The following SGMS1 variants were observed in gnomAD, a reference collection of about 807,000 sequenced individuals.
SGMS1 encodes the protein sphingomyelin synthase 1, also known as phosphatidylcholine:ceramide cholinephosphotransferase 1.
A neutral mutation model predicts 46.2 loss-of-function variants in SGMS1; 13 were observed. That is an observed-to-expected ratio of 0.28 (90% CI 0.18 to 0.45). The LOEUF (loss-of-function observed/expected upper bound fraction) is 0.45, where lower values mean the gene tolerates loss of function less well. SGMS1 is among the 20% of genes least tolerant of loss of function. The pLI is 1.00. For missense variants in SGMS1, 324 were observed against 519.9 expected, an observed-to-expected ratio of 0.62 and a Z score of 3.66; for synonymous variants, 203 against 187.8, an observed-to-expected ratio of 1.08 and a Z score of -0.66.
intron 6 of SGMS1, among the ~76,000 whole-genome samples, chr10:50,422,951 A>C (rs1017435196): frequency 2.6e-5 from 4 of 152,184 alleles, no homozygotes; most frequent in African/African-American, 9.7e-5. Context: ...AAACACTACC[A>C]CTGTTCTCAA....
At chr10:50,519,418 A>G (rs1290953496) in intron 3 of SGMS1, among the ~76,000 whole-genome samples, 2 of 152,216 alleles carry the variant, frequency 1.3e-5, no homozygotes, top group South Asian at 2.1e-4. Context: ...AGCCTCCATC[A>G]AAAGCAATTC....
intron 3 of SGMS1, among the ~76,000 whole-genome samples, chr10:50,491,591 C>T (rs1837567845): frequency 2.0e-5 from 3 of 152,132 alleles, no homozygotes; most frequent in Non-Finnish European, 4.4e-5. Context: ...TTCCTGGACA[C>T]ATACACCCTC....
intron 2 of SGMS1, among the ~76,000 whole-genome samples, chr10:50,541,757 C>CTT (rs1838054635): frequency 2.0e-5 from 3 of 152,142 alleles, no homozygotes; most frequent in African/African-American, 7.2e-5. Context: ...ATCAAGAGAA[C>CTT]CAGGGTGGAG....
At chr10:50,487,586 A>G (rs1438941470) in intron 3 of SGMS1, among the ~76,000 whole-genome samples, 1 of 152,142 alleles carries the variant, frequency 6.6e-6, no homozygotes, top group Non-Finnish European at 1.5e-5. Flanking sequence ...TATGCCTTAT[A>G]TCTTTTGTAT....
chr10:50,381,775 C>G (rs1365558725), intron 6 of SGMS1, among the ~76,000 whole-genome samples: 3 of 152,198 alleles, frequency 2.0e-5, no homozygotes, highest in Non-Finnish European at 4.4e-5. Flanking sequence ...GGTGGCCTGG[C>G]ACAGCCTATG....
intron 6 of SGMS1, among the ~76,000 whole-genome samples, chr10:50,356,914 T>C (rs1848161634): frequency 2.0e-5 from 3 of 151,792 alleles, no homozygotes; most frequent in South Asian, 2.1e-4. Flanking sequence ...CCGGGGCCTA[T>C]TGTGGGGTGG....
At chr10:50,613,479 T>C (rs2131933829) in intron 1 of SGMS1, among the ~76,000 whole-genome samples, 1 of 152,314 alleles carries the variant, frequency 6.6e-6, no homozygotes, top group Middle Eastern at 3.4e-3. Flanking sequence ...CCCTGAGTTA[T>C]AAAATGACCA....
At chr10:50,541,929 T>C (rs1366501156) in intron 2 of SGMS1, among the ~76,000 whole-genome samples, 1 of 152,218 alleles carries the variant, frequency 6.6e-6, no homozygotes, top group Admixed American at 6.5e-5. Context: ...GGAGCATGTT[T>C]GATTTTTTTC....
chr10:50,541,729 G>C (rs1838054306), intron 2 of SGMS1, among the ~76,000 whole-genome samples: 1 of 152,212 alleles, frequency 6.6e-6, no homozygotes, highest in African/African-American at 2.4e-5. Context: ...GGAAGGAAAA[G>C]GGGTTGTTTT....
upstream of SGMS1, chr10:50,624,729 C>G (rs1838903345): frequency 1.0e-6 from 1 of 985,296 alleles, no homozygotes; most frequent in Non-Finnish European, 1.2e-6. Context: ...TTCCTCTGCT[C>G]CCCGAGCGAA....
At chr10:50,368,802 G>A (rs955303185) in intron 6 of SGMS1, among the ~76,000 whole-genome samples, 3 of 152,110 alleles carry the variant, frequency 2.0e-5, no homozygotes, top group African/African-American at 7.2e-5. Flanking sequence ...TTAACCAAAG[G>A]CATTATAAAA....
At chr10:50,379,785 T>A (rs913400657) in intron 6 of SGMS1, among the ~76,000 whole-genome samples, 8 of 152,166 alleles carry the variant, frequency 5.3e-5, no homozygotes, top group Non-Finnish European at 1.2e-4. Flanking sequence ...GCAGTCATAT[T>A]TTCTAGAGAT....
chr10:50,580,426 C>A (rs1201621659), intron 2 of SGMS1, among the ~76,000 whole-genome samples: 1 of 150,570 alleles, frequency 6.6e-6, no homozygotes, highest in African/African-American at 2.4e-5. Context: ...AGTTAGGGAC[C>A]CCCCCCCAAA....
Position 50,343,526 on chromosome 10 carries a change from G to A in SGMS1, c.589C>T (p.Leu197Phe). The change falls in exon 7 of 11, where the codon CTC becomes TTC. Residue 197 changes from leucine to phenylalanine, a missense_variant. Physicochemically the swap from Leu to Phe is conservative, Grantham distance 22. Around this residue, in one of 2 missense-constraint regions of SGMS1, gnomAD observed 174 missense variants for 350.1 expected, o/e 0.50. Transcript: ENST00000361781. ...AAGAGCAGCCACTGAATTAACCAGA[G>A]TCCTACAAGGATCATGCCATTAATT... is the stretch of plus-strand genomic sequence containing the variant. ...CEINGMILVG[L>F]WLIQWLLLKY... 2 of 1,613,456 alleles carry A rather than the reference G, an allele frequency of 1.2e-6. No individual in the cohort carries two copies. The highest frequency in any genetic ancestry group is 1.7e-6 in the Non-Finnish European group (2 of 1,179,864).
At chr10:50,310,076 C>T (rs1347948268) in intron 9 of SGMS1, among the ~76,000 whole-genome samples, 1 of 152,010 alleles carries the variant, frequency 6.6e-6, no homozygotes, top group East Asian at 1.9e-4. Flanking sequence ...AATGGGCACC[C>T]GATCTACATC....
At position 50,462,032 on chromosome 10, in the gene SGMS1, G is replaced by C. The variant is rs183364909; in HGVS notation, c.-454-1218C>G. ...AAGTATTCAATTAAAGTTTCAGGCCGGGCATGGTGGCTCATGCCTATAATT... is the reference window on the plus strand; with the variant it reads ...AAGTATTCAATTAAAGTTTCAGGCCCGGCATGGTGGCTCATGCCTATAATT... On this transcript the variant is annotated intron_variant, in intron 4 of 10. Transcript: ENST00000361781. Among the ~76,000 whole-genome samples the C allele has an allele frequency of 9.3e-4, 142 of 152,216 alleles. 1 individual carries two copies. Among genetic ancestry groups the C allele is most frequent in the African/African-American group, 3.2e-3 (133 of 41,530 alleles).
At chr10:50,329,728 CAAGAA>C (rs1320553181) in intron 7 of SGMS1, among the ~76,000 whole-genome samples, 3 of 152,216 alleles carry the variant, frequency 2.0e-5, no homozygotes, top group Non-Finnish European at 2.9e-5. Flanking sequence ...CAGATGCCAA[CAAGAA>C]GATGTACAGT....
At chr10:50,613,796 T>C (rs1282705656) in intron 1 of SGMS1, among the ~76,000 whole-genome samples, 4 of 152,192 alleles carry the variant, frequency 2.6e-5, no homozygotes, top group Admixed American at 1.3e-4. Context: ...TTCTTTCAAA[T>C]AGGAAAAAGT....
chr10:50,414,722 T>A (rs78088081), intron 6 of SGMS1, among the ~76,000 whole-genome samples: 2,528 of 152,272 alleles, frequency 0.017, 69 homozygotes, highest in African/African-American at 0.057. Context: ...GTAACCACTA[T>A]CTACAGTGCT....
Sources: gnomAD v4.1 joint callset for allele counts (sites outside exome capture counted in the v4.1 genomes callset) on GRCh38, gnomAD v4.1.1 for gene constraint, gnomAD v4.1.1 regional missense constraint, MANE v1.5 for transcripts, NCBI Gene and HGNC (gene_info 2026-07-23, HGNC 2026-07-21) for gene names.